Variants in KHDRBS2 observed in about 807,000 individuals in gnomAD.
KHDRBS2 encodes the protein KH RNA binding domain containing, signal transduction associated 2, also known as KH domain-containing, RNA-binding, signal transduction-associated protein 2.
A neutral mutation model predicts 44.3 loss-of-function variants in KHDRBS2; 26 were observed. The ratio of observed to expected loss-of-function variants is 0.59; its 90% CI spans 0.43 to 0.81. The LOEUF is 0.81. Among genes scored for constraint, KHDRBS2 ranks in the 40% least tolerant of loss-of-function variants. KHDRBS2 has a pLI of 0.00. For missense variants in KHDRBS2, 476 were observed against 433.1 expected, an observed-to-expected ratio of 1.10 and a Z score of -0.88; for synonymous variants, 194 against 151.1, an observed-to-expected ratio of 1.28 and a Z score of -2.08.
intron 6 of KHDRBS2, among the ~76,000 whole-genome samples, chr6:61,759,067 T>C (rs1778907743): frequency 6.6e-6 from 1 of 152,160 alleles, no homozygotes; most frequent in Admixed American, 6.6e-5. Context: ...ATGGAAACAA[T>C]GATTTTACAT....
chr6:62,255,213 C>A (rs1837168391), intron 1 of KHDRBS2, among the ~76,000 whole-genome samples: 1 of 151,996 alleles, frequency 6.6e-6, no homozygotes, highest in African/African-American at 2.4e-5. Context: ...CTCATAGAAA[C>A]AAAAAATGTA....
chr6:62,063,270 C>T (rs1792531120), intron 2 of KHDRBS2, among the ~76,000 whole-genome samples: 1 of 149,218 alleles, frequency 6.7e-6, no homozygotes, highest in Admixed American at 6.8e-5. Context: ...TCCTCCCTAA[C>T]TCATTTTATG....
intron 5 of KHDRBS2, among the ~76,000 whole-genome samples, chr6:61,896,386 A>G (rs1172332306): frequency 6.6e-6 from 1 of 151,710 alleles, no homozygotes; most frequent in Non-Finnish European, 1.5e-5. Context: ...TAAGATAGAT[A>G]TTTTTTTTTC....
At chr6:61,782,416 A>G (rs1783072438) in intron 6 of KHDRBS2, among the ~76,000 whole-genome samples, 1 of 152,000 alleles carries the variant, frequency 6.6e-6, no homozygotes, top group South Asian at 2.1e-4. Flanking sequence ...CTTTTGCACC[A>G]GGAACTCTTA....
chr6:62,221,142 T>C (rs925456968), intron 1 of KHDRBS2, among the ~76,000 whole-genome samples: 1 of 151,316 alleles, frequency 6.6e-6, no homozygotes, highest in Non-Finnish European at 1.5e-5. Flanking sequence ...AAAAAAAAGA[T>C]TTTGCCATTT....
At chr6:61,659,521 A>G in the KHDRBS2 span, among the ~76,000 whole-genome samples, 1 of 151,802 alleles carries the variant, frequency 6.6e-6, no homozygotes, top group Admixed American at 6.6e-5. Flanking sequence ...ACAAAGGGAA[A>G]GTCCCAATCT....
At chr6:62,048,954 C>A (rs1157205622) in intron 2 of KHDRBS2, among the ~76,000 whole-genome samples, 1 of 151,714 alleles carries the variant, frequency 6.6e-6, no homozygotes, top group African/African-American at 2.4e-5. Context: ...CTTTTCTTTT[C>A]TTTTCCTTTT....
intron 2 of KHDRBS2, among the ~76,000 whole-genome samples, chr6:62,064,405 A>G (rs1179780360): frequency 6.7e-6 from 1 of 148,290 alleles, no homozygotes; most frequent in Non-Finnish European, 1.5e-5. Flanking sequence ...AGTAACCAAA[A>G]CAGCATGGTA....
chr6:61,914,825 T>G (rs1806700452), intron 4 of KHDRBS2, among the ~76,000 whole-genome samples: 1 of 152,056 alleles, frequency 6.6e-6, no homozygotes, highest in Non-Finnish European at 1.5e-5. Flanking sequence ...ATACATAGTC[T>G]GTTAATCATA....
chr6:61,940,828 C>T (rs1583623535), intron 4 of KHDRBS2, among the ~76,000 whole-genome samples: 3 of 152,260 alleles, frequency 2.0e-5, no homozygotes, highest in African/African-American at 7.2e-5. Context: ...GCTGTTGAGG[C>T]TTAGGCATGA....
At position 62,083,284 on chromosome 6, in the gene KHDRBS2, G is replaced by T. The variant is rs116068343; in HGVS notation, c.220-35290C>A. 3.4e-3 allele frequency among the ~76,000 whole-genome samples: 521 copies of T among 152,216 alleles called. 3 individuals carry two copies. The highest frequency in any genetic ancestry group is 0.012 in the African/African-American group (488 of 41,560). On this transcript the variant is annotated intron_variant, in intron 2 of 8. Transcript: ENST00000281156. ...CTTCATGGTGGGAACTCAGAGAAGA[G>T]TTCAGCCAGGGACAGCCATACTCCA...
At chr6:62,089,481 G>A (rs1180974705) in intron 2 of KHDRBS2, among the ~76,000 whole-genome samples, 4 of 152,084 alleles carry the variant, frequency 2.6e-5, no homozygotes, top group Admixed American at 2.6e-4. Context: ...CTAGGAGAAG[G>A]AGTTCCCTGA....
chr6:62,144,098 C>A (rs1315184017), intron 2 of KHDRBS2, among the ~76,000 whole-genome samples: 1 of 151,812 alleles, frequency 6.6e-6, no homozygotes, highest in African/African-American at 2.4e-5. Flanking sequence ...ACTATTTCAA[C>A]CAGTTACCAT....
intron 4 of KHDRBS2, among the ~76,000 whole-genome samples, chr6:61,902,797 G>C (rs1804299591): frequency 6.6e-6 from 1 of 152,026 alleles, no homozygotes; most frequent in African/African-American, 2.4e-5. Context: ...CATATGTGTG[G>C]TATTGATGAA....
At chr6:62,077,700 G>C (rs1796612018) in intron 2 of KHDRBS2, among the ~76,000 whole-genome samples, 1 of 151,980 alleles carries the variant, frequency 6.6e-6, no homozygotes, top group Non-Finnish European at 1.5e-5. Flanking sequence ...CGCAGCAACT[G>C]AATGAGGGCT....
intron 3 of KHDRBS2, among the ~76,000 whole-genome samples, chr6:62,033,082 T>C (rs558473085): frequency 6.6e-6 from 1 of 151,932 alleles, no homozygotes; most frequent in South Asian, 2.1e-4. Context: ...TACTAAAGAA[T>C]ACGTCAGTCT....
chr6:61,840,846 C>A (rs1793492759), intron 6 of KHDRBS2, among the ~76,000 whole-genome samples: 1 of 152,128 alleles, frequency 6.6e-6, no homozygotes, highest in Non-Finnish European at 1.5e-5. Context: ...TCTGTCTAAG[C>A]TCTCATGTTT....
chr6:62,035,731 C>T (rs1219265603), intron 3 of KHDRBS2, among the ~76,000 whole-genome samples: 1 of 151,934 alleles, frequency 6.6e-6, no homozygotes, highest in Non-Finnish European at 1.5e-5. Context: ...CACATTGCAT[C>T]CCTGTATCAA....
chr6:61,897,897 T>C (rs1803220908), intron 5 of KHDRBS2, among the ~76,000 whole-genome samples: 1 of 152,176 alleles, frequency 6.6e-6, no homozygotes, highest in African/African-American at 2.4e-5. Context: ...GTTTCGTTTT[T>C]CAGTGACTGC....
Sources: gnomAD v4.1 joint callset for allele counts (sites outside exome capture counted in the v4.1 genomes callset) on GRCh38, gnomAD v4.1.1 for gene constraint, MANE v1.5 for transcripts, NCBI Gene and HGNC (gene_info 2026-07-23, HGNC 2026-07-21) for gene names.